ZNF704: variants seen among roughly 807,000 people sequenced by gnomAD.
ZNF704 encodes glucocorticoid induced gene 1.
In ZNF704, 10 loss-of-function variants were observed where a neutral mutation model predicts 44.7. That is an observed-to-expected ratio of 0.22 (90% CI 0.14 to 0.38). The LOEUF is 0.38. ZNF704 is among the 10% of genes least tolerant of loss of function. The pLI, the probability that ZNF704 is intolerant of heterozygous loss-of-function variation, is 1.00. For synonymous variants in ZNF704, 211 were observed against 207.6 expected (o/e 1.02, Z -0.14); for missense variants, 390 against 545.5 (o/e 0.71, Z 2.84).
intron 1 of ZNF704, among the ~76,000 whole-genome samples, chr8:80,863,859 A>G (rs1429704173): frequency 6.6e-6 from 1 of 152,192 alleles, no homozygotes; most frequent in African/African-American, 2.4e-5. Flanking sequence ...TGATATTTTC[A>G]ATCTTTTTTT....
chr8:80,670,518 C>T lies in ZNF704; in HGVS notation c.644G>A (p.Arg215Gln). The T allele has an allele frequency of 5.0e-6, 8 of 1,613,818 alleles. No homozygotes were observed. The highest frequency in any genetic ancestry group is 1.1e-5 in the South Asian group (1 of 91,050). ...STAAGIQKHI[R>Q]TIHLGRVGDS... ...GCTGCCTTACCCCAGATGGATGGTTCGGATGTGTTTCTGGATACCTGCTGC... is the reference window on the plus strand; with the variant it reads ...GCTGCCTTACCCCAGATGGATGGTTTGGATGTGTTTCTGGATACCTGCTGC... The change falls in exon 5 of 9, where the codon CGA becomes CAA. Residue 215 changes from arginine to glutamine, a missense_variant. Around this residue, in one of 3 missense-constraint regions of ZNF704, gnomAD observed 305 missense variants for 435.7 expected, o/e 0.70. Transcript: ENST00000327835.
chr8:80,784,693 T>C (rs1807586238), intron 2 of ZNF704, among the ~76,000 whole-genome samples: 1 of 152,200 alleles, frequency 6.6e-6, no homozygotes, highest in Non-Finnish European at 1.5e-5. Context: ...CTGTGGCTTG[T>C]CTTCTCCTTC....
chr8:80,777,356 C>A (rs891204263), intron 2 of ZNF704, among the ~76,000 whole-genome samples: 1 of 152,046 alleles, frequency 6.6e-6, no homozygotes, highest in Admixed American at 6.5e-5. Flanking sequence ...GGCTGACAGC[C>A]TTCAGTACTA....
intron 1 of ZNF704, among the ~76,000 whole-genome samples, chr8:80,827,734 A>G (rs1263324420): frequency 2.4e-4 from 36 of 152,194 alleles, no homozygotes; most frequent in Non-Finnish European, 2.9e-5. Context: ...ATATAGACCA[A>G]TGGAACAGAA....
At chr8:80,720,479 T>G (rs1267097098) in intron 2 of ZNF704, among the ~76,000 whole-genome samples, 1 of 152,254 alleles carries the variant, frequency 6.6e-6, no homozygotes, top group Admixed American at 6.5e-5. Context: ...ACTTCCTATA[T>G]ATACTAATAG....
At chr8:80,832,014 G>A (rs1808479885) in intron 1 of ZNF704, among the ~76,000 whole-genome samples, 1 of 152,144 alleles carries the variant, frequency 6.6e-6, no homozygotes, top group Non-Finnish European at 1.5e-5. Context: ...TTCATATAGT[G>A]TATCACAGAC....
chr8:80,697,962 T>G (rs1011181312), intron 2 of ZNF704, among the ~76,000 whole-genome samples: 2 of 152,226 alleles, frequency 1.3e-5, no homozygotes, highest in African/African-American at 2.4e-5. Flanking sequence ...CAGCTGCTGG[T>G]CCCTCACTAG....
chr8:80,856,043 A>G (rs75356282), intron 1 of ZNF704, among the ~76,000 whole-genome samples: 1,789 of 152,254 alleles, frequency 0.012, 33 homozygotes, highest in African/African-American at 0.04. Flanking sequence ...CTGAAGCCTT[A>G]AACTCCTAGT....
intron 2 of ZNF704, among the ~76,000 whole-genome samples, chr8:80,789,615 G>A (rs1807670808): frequency 6.6e-6 from 1 of 152,066 alleles, no homozygotes; most frequent in African/African-American, 2.4e-5. Context: ...GGCCAGGTAT[G>A]CCTGCAGTCC....
rs201218880 is a variant in ZNF704 at position 80,664,894 on chromosome 8, G to A, written c.848C>T (p.Thr283Met). Residue 283 changes from threonine (T) to methionine (M), a missense_variant, in exon 6 of 9, where the codon ACG (threonine) becomes ATG (methionine). Transcript: ENST00000327835. Reference sequence around the variant, plus strand: ...CAACGGCGTCATCAACTTAGTCTCCGTTTTGGCACAAGGAGTTTCTGTTCG... The same window carrying A: ...CAACGGCGTCATCAACTTAGTCTCCATTTTGGCACAAGGAGTTTCTGTTCG... ...SSRTETPCAKTETKLMTPLSR... is the reference protein window; with the variant it reads ...SSRTETPCAKMETKLMTPLSR... 3.6e-4 allele frequency: 575 copies of A among 1,614,194 alleles called. 5 individuals carry two copies. In the South Asian group the frequency reaches 4.4e-3, roughly 12 times the overall value.
chr8:80,672,317 C>T (rs570480193), intron 4 of ZNF704, among the ~76,000 whole-genome samples: 3 of 152,188 alleles, frequency 2.0e-5, no homozygotes, highest in East Asian at 1.9e-4. Context: ...ACACTGGTGA[C>T]GGGAGTGTGA....
chr8:80,720,773 A>G (rs1819151074), intron 2 of ZNF704, among the ~76,000 whole-genome samples: 1 of 152,224 alleles, frequency 6.6e-6, no homozygotes, highest in African/African-American at 2.4e-5. Flanking sequence ...AGCGGACCAA[A>G]GCCCCATAGT....
In ZNF704 at chr8:80,633,251, T is replaced by TAAG. The variant is rs1817615253; in HGVS notation, c.*8112_*8114dup. ...GGTTTTAAAATTTCTGGCATTGACT[T>TAAG]AAGTTTATATACATAGCAAATGTTG... On this transcript the variant is annotated 3_prime_UTR_variant, in exon 9 of 9. Coordinates refer to ENST00000327835, the MANE Select transcript of ZNF704 (RefSeq NM_001033723.3). 6.6e-6 allele frequency: 1 copy of TAAG among 152,260 alleles called. No homozygotes were observed. The highest frequency in any genetic ancestry group is 1.5e-5 in the Non-Finnish European group (1 of 68,052). The allele number at this position is 152,260 out of a possible 1,614,324, so 9.4% of individuals were successfully genotyped here.
chr8:80,768,458 G>A (rs539880589), intron 2 of ZNF704, among the ~76,000 whole-genome samples: 128 of 152,162 alleles, frequency 8.4e-4, no homozygotes, highest in South Asian at 2.7e-3. Flanking sequence ...ACACAAAAAG[G>A]TTTGTATTCA....
intron 2 of ZNF704, among the ~76,000 whole-genome samples, chr8:80,710,771 T>A (rs1260863008): frequency 2.6e-5 from 4 of 152,174 alleles, no homozygotes; most frequent in Admixed American, 2.6e-4. Flanking sequence ...CCTCTAGAAC[T>A]GTGAGAAATA....
intron 6 of ZNF704, among the ~76,000 whole-genome samples, chr8:80,664,271 G>A (rs1818150332): frequency 6.9e-6 from 1 of 145,440 alleles, no homozygotes. Context: ...TAACATTAGG[G>A]ATTTTTTTTT....
At chr8:80,812,767 A>T (rs1312775824) in intron 2 of ZNF704, among the ~76,000 whole-genome samples, 1 of 152,198 alleles carries the variant, frequency 6.6e-6, no homozygotes, top group African/African-American at 2.4e-5. Context: ...AAATTTTTAT[A>T]CTATAGATAT....
intron 2 of ZNF704, among the ~76,000 whole-genome samples, chr8:80,786,364 CTT>C (rs558012706): frequency 1.1e-4 from 16 of 152,274 alleles, no homozygotes; most frequent in African/African-American, 3.9e-4. Flanking sequence ...AGAGATCCAG[CTT>C]CTGTGTCTGT....
At chr8:80,864,568 T>C (rs759842526) in intron 1 of ZNF704, among the ~76,000 whole-genome samples, 26 of 152,300 alleles carry the variant, frequency 1.7e-4, no homozygotes, top group African/African-American at 5.5e-4. Flanking sequence ...TTTCCCAAAG[T>C]CAATTAATTA....
Sources: allele counts gnomAD v4.1 joint callset (sites outside exome capture counted in the v4.1 genomes callset), GRCh38; gene constraint gnomAD v4.1.1; regional missense constraint gnomAD v4.1.1; transcripts MANE v1.5; gene names NCBI Gene and HGNC (gene_info 2026-07-23, HGNC 2026-07-21).